UNC5B: variants seen among roughly 807,000 people sequenced by gnomAD.
UNC5B encodes unc-5 netrin receptor B.
UNC5B carries 56 observed loss-of-function variants against 103.7 expected under a neutral mutation model. The ratio of observed to expected loss-of-function variants is 0.54; its 90% CI spans 0.44 to 0.67. The LOEUF (loss-of-function observed/expected upper bound fraction) is 0.67. UNC5B is among the 30% of genes least tolerant of loss of function. UNC5B has a pLI of 0.00. For missense variants in UNC5B, 1,194 were observed against 1,284.5 expected (o/e 0.93, Z 1.08); for synonymous variants, 577 against 542.0 (o/e 1.06, Z -0.90).
intron 1 of UNC5B, among the ~76,000 whole-genome samples, chr10:71,224,142 G>A (rs1046914081): frequency 6.6e-6 from 1 of 152,184 alleles, no homozygotes; most frequent in Non-Finnish European, 1.5e-5. Flanking sequence ...GCCCAGGAAA[G>A]CCGGGGCTGC....
chr10:71,251,269 C>T (rs1589166057), intron 1 of UNC5B, among the ~76,000 whole-genome samples: 1 of 152,166 alleles, frequency 6.6e-6, no homozygotes, highest in Admixed American at 6.5e-5. Context: ...TCTTCAAAGC[C>T]TGGATAGACA....
In UNC5B at chr10:71,298,071, C is replaced by T. The variant is rs1192996689; in HGVS notation, c.2653C>T (p.Gln885Ter). The change falls in exon 16 of 17, where the codon CAG becomes TAG. Residue 885 changes from glutamine to a stop codon, truncating the protein, a stop_gained. Coordinates refer to ENST00000335350, the MANE Select transcript of UNC5B (RefSeq NM_170744.5). LOFTEE classifies it high-confidence loss of function. The stretch of plus-strand genomic sequence containing the variant: ...GGGCAATGACTGGCGGATGTTAGCA[C>T]AGAAGCTCTCTATGGACCGGTGAGT... The part of the protein sequence containing the change: ...SRGNDWRMLA[Q>*]KLSMDRYLNY... The T allele has an allele frequency of 6.2e-7, 1 of 1,611,404 alleles. No individual in the cohort carries two copies. The highest frequency in any genetic ancestry group is 1.1e-5 in the South Asian group (1 of 90,534).
intron 3 of UNC5B, 24 bp downstream of exon 3, chr10:71,284,887 T>A: frequency 6.4e-7 from 1 of 1,568,296 alleles, no homozygotes; most frequent in Non-Finnish European, 8.6e-7. Flanking sequence ...ACCCCCACCC[T>A]GTCCCTGCAG....
At chr10:71,281,402 G>T (rs1299400092) in intron 2 of UNC5B, among the ~76,000 whole-genome samples, 1 of 151,388 alleles carries the variant, frequency 6.6e-6, no homozygotes, top group Non-Finnish European at 1.5e-5. Flanking sequence ...GTACAGTGGC[G>T]CAATCTCGGC....
At chr10:71,221,090 C>T (rs1302698396) in intron 1 of UNC5B, among the ~76,000 whole-genome samples, 1 of 152,158 alleles carries the variant, frequency 6.6e-6, no homozygotes, top group Non-Finnish European at 1.5e-5. Flanking sequence ...TTACAGAGGC[C>T]CCTCTGGAAA....
chr10:71,292,385 C>T (rs1246529645), intron 10 of UNC5B, 82 bp from the exon 11 acceptor site: 2 of 1,247,170 alleles, frequency 1.6e-6, no homozygotes, highest in East Asian at 5.1e-5. Flanking sequence ...TCTTTCTCTC[C>T]CAGCCCCAAG....
chr10:71,213,160 G>T lies in UNC5B; in HGVS notation c.79+96G>T. 4 of 1,053,486 alleles carry T rather than the reference G, an allele frequency of 3.8e-6. No homozygotes were observed. Among genetic ancestry groups the T allele is most frequent in the South Asian group, 4.6e-5 (1 of 21,758 alleles). The allele number at this position is 1,053,486 out of a possible 1,614,324, so 65.3% of individuals were successfully genotyped here. The stretch of plus-strand genomic sequence containing the variant: ...GTGGTCTTTCGTCGCATCGATGCGC[G>T]CAGGAAAAGCGGCAAGGGCGCCCAA... On this transcript the variant is annotated intron_variant, in intron 1 of 16. Transcript: ENST00000335350. The surrounding 1 kb of genome is among the most constrained non-coding windows in gnomAD (Gnocchi z 4.1).
In UNC5B at chr10:71,291,439, G is replaced by T. The variant is rs145814778; in HGVS notation, c.1302G>T (p.Pro434=). The change falls in exon 10 of 17, where the codon CCG becomes CCT. Residue 434 remains proline, a synonymous_variant. Coordinates refer to ENST00000335350, the MANE Select transcript of UNC5B (RefSeq NM_170744.5). The part of the protein sequence containing the change: ...VNFKTARPSN[P]QLLHPSVPPD... ...TAGCCCCTACTCCTGCAGGCAACCC[G>T]CAGCTCCTACACCCCTCTGTGCCTC... is the stretch of plus-strand genomic sequence containing the variant. 2.8e-5 allele frequency: 45 copies of T among 1,603,914 alleles called. No homozygotes were observed. In the African/African-American group the frequency reaches 6.0e-4, roughly 21 times the overall value.
intron 1 of UNC5B, among the ~76,000 whole-genome samples, chr10:71,264,219 T>A (rs904498607): frequency 4.6e-5 from 7 of 152,156 alleles, no homozygotes; most frequent in African/African-American, 7.2e-5. Flanking sequence ...ACCAACCTCA[T>A]AAGATTGCTG....
chr10:71,258,438 C>A (rs1039473665), intron 1 of UNC5B, among the ~76,000 whole-genome samples: 10 of 152,142 alleles, frequency 6.6e-5, no homozygotes, highest in Non-Finnish European at 1.5e-5. Flanking sequence ...ATTTTTGTTT[C>A]TTGAGGGTCC....
At chr10:71,269,796 G>GA (rs367681141) in intron 1 of UNC5B, among the ~76,000 whole-genome samples, 2,319 of 150,986 alleles carry the variant, frequency 0.015, 48 homozygotes, top group African/African-American at 0.053. Flanking sequence ...CCTGCCAAGA[G>GA]AAAAAAAAAG....
chr10:71,270,775 G>A (rs894727433), intron 1 of UNC5B, among the ~76,000 whole-genome samples: 6 of 152,282 alleles, frequency 3.9e-5, no homozygotes, highest in South Asian at 2.1e-4. Flanking sequence ...GGTGCTTGGC[G>A]GAGTCTAAGA....
chr10:71,283,112 T>C (rs1313520059), intron 2 of UNC5B, among the ~76,000 whole-genome samples: 1 of 142,276 alleles, frequency 7.0e-6, no homozygotes, highest in Non-Finnish European at 1.5e-5. Context: ...AGAGCGAGAC[T>C]CCGTCTCAAA....
chr10:71,275,358 C>G (rs900771083), intron 1 of UNC5B, among the ~76,000 whole-genome samples: 1 of 152,188 alleles, frequency 6.6e-6, no homozygotes, highest in South Asian at 2.1e-4. Context: ...GATGTGGTTC[C>G]TCTGTAGAGA....
At position 71,291,047 on chromosome 10, in the gene UNC5B, C is replaced by T; in HGVS notation, c.1232C>T (p.Thr411Ile). The T allele has an allele frequency of 6.2e-7, 1 of 1,614,210 alleles. No homozygotes were observed. The highest frequency in any genetic ancestry group is 8.5e-7 in the Non-Finnish European group (1 of 1,180,040). Reference sequence around the variant, plus strand: ...TGCCGTGACTTCGACACAGACATCACTGACTCATCTGCTGCCCTGACTGGT... The same window carrying T: ...TGCCGTGACTTCGACACAGACATCATTGACTCATCTGCTGCCCTGACTGGT... ...RNCRDFDTDI[T>I]DSSAALTGGF... Residue 411 changes from threonine (T) to isoleucine (I), a missense_variant, in exon 9 of 17, where the codon ACT becomes ATT. Physicochemically the swap from Thr to Ile is moderately conservative, Grantham distance 89 (BLOSUM62 -1). Transcript: ENST00000335350.
intron 1 of UNC5B, among the ~76,000 whole-genome samples, chr10:71,270,349 AGGGAGGGAGGGAGGGAGGGAGGGT>A (rs1844613947): frequency 1.5e-3 from 3 of 2,062 alleles, no homozygotes. Context: ...GAAGGGAGGG[AGGGAGGGAGGGAGGGAGGGAGGGT>A]GGGAGGCAGG....
At chr10:71,239,235 T>C (rs1589158088) in intron 1 of UNC5B, among the ~76,000 whole-genome samples, 1 of 152,114 alleles carries the variant, frequency 6.6e-6, no homozygotes, top group African/African-American at 2.4e-5. Context: ...TGGGATGGCA[T>C]TGGGGGTAGT....
intron 8 of UNC5B, 72 bp from the exon 9 acceptor site, chr10:71,290,843 G>C: frequency 6.6e-7 from 1 of 1,510,788 alleles, no homozygotes; most frequent in Non-Finnish European, 8.8e-7. Flanking sequence ...CCTTTCCAGG[G>C]ACCCAGGGCC....
At chr10:71,266,489 G>A (rs1481475926) in intron 1 of UNC5B, among the ~76,000 whole-genome samples, 1 of 152,196 alleles carries the variant, frequency 6.6e-6, no homozygotes, top group Non-Finnish European at 1.5e-5. Flanking sequence ...GATTACATCA[G>A]CAGGTGCAAA....
Sources: gnomAD v4.1 joint callset for allele counts (sites outside exome capture counted in the v4.1 genomes callset) on GRCh38, gnomAD v4.1.1 for gene constraint, Gnocchi (gnomAD v3.1) non-coding constraint, MANE v1.5 for transcripts, NCBI Gene and HGNC (gene_info 2026-07-23, HGNC 2026-07-21) for gene names.